Variants in SOX6 observed in about 807,000 individuals in gnomAD.
SOX6 encodes SRY-box transcription factor 6, also known as transcription factor SOX-6.
In SOX6, 11 loss-of-function variants were observed where a neutral mutation model predicts 97.8. The ratio of observed to expected loss-of-function variants is 0.11; its 90% CI spans 0.07 to 0.19. The LOEUF is 0.19. Ranked by LOEUF, SOX6 falls within the 10% of genes least tolerant of loss-of-function variation. The pLI, the probability that SOX6 is intolerant of heterozygous loss-of-function variation, is 1.00. For missense variants in SOX6, 810 were observed against 1,039.5 expected, an observed-to-expected ratio of 0.78 and a Z score of 3.04; for synonymous variants, 360 against 371.4, an observed-to-expected ratio of 0.97 and a Z score of 0.35.
intron 6 of SOX6, among the ~76,000 whole-genome samples, chr11:16,115,324 G>T (rs1849320503): frequency 1.3e-5 from 2 of 152,236 alleles, no homozygotes; most frequent in South Asian, 4.1e-4. Context: ...TACTGAATCA[G>T]AAAACTCTGG....
At chr11:16,344,778 CTATTA>C (rs1420824363) in intron 1 of SOX6, among the ~76,000 whole-genome samples, 2 of 151,606 alleles carry the variant, frequency 1.3e-5, no homozygotes, top group Non-Finnish European at 2.9e-5. Context: ...TATTTTTGCA[CTATTA>C]TAACTTAAAA....
In SOX6 at chr11:15,986,073, T is replaced by C. The variant is rs1007373710; in HGVS notation, c.2183+131A>G. ...CCCTATGACACAGCAAAGATTCTCA[T>C]GGCCAAGCCCCTTCAGTATGCCACA... is the stretch of plus-strand genomic sequence containing the variant. On this transcript the variant is annotated intron_variant, in intron 15 of 15. Coordinates refer to ENST00000683767, the MANE Select transcript of SOX6 (RefSeq NM_001367873.1). The C allele has an allele frequency of 6.7e-6, 6 of 899,594 alleles. No homozygotes were observed. The Admixed American group carries it at 1.1e-4, about 16-fold the overall frequency. 55.7% of individuals were successfully genotyped at this position (899,594 alleles called of 1,614,324 possible).
chr11:16,447,313 A>C (rs1275493485), intron 1 of SOX6, among the ~76,000 whole-genome samples: 2 of 152,202 alleles, frequency 1.3e-5, no homozygotes, highest in African/African-American at 4.8e-5. Flanking sequence ...TCTATCATTT[A>C]CTGTGCTATC....
Position 16,298,140 on chromosome 11 carries a change from C to T in SOX6, c.445+20306G>A, listed in dbSNP as rs1855153027. 2.6e-5 allele frequency among the ~76,000 whole-genome samples: 4 copies of T among 152,032 alleles called. 1 individual carries two copies. The highest frequency in any genetic ancestry group is 2.6e-4 in the Admixed American group (4 of 15,252). On this transcript the variant is annotated intron_variant, in intron 3 of 15. Transcript: ENST00000683767. ...TAATATACGTTCTTCTGACTGGGAC[C>T]CTCATTTTAAAATTTTATTCCATTT... is the stretch of plus-strand genomic sequence containing the variant.
chr11:16,266,321 T>C (rs1854082312), intron 3 of SOX6, among the ~76,000 whole-genome samples: 1 of 151,580 alleles, frequency 6.6e-6, no homozygotes, highest in African/African-American at 2.4e-5. Flanking sequence ...GAATTCTATA[T>C]CCAGCAAAAA....
At chr11:16,720,956 T>A (rs1359020284) in intron 2 of SOX6, among the ~76,000 whole-genome samples, 1 of 152,126 alleles carries the variant, frequency 6.6e-6, no homozygotes, top group Non-Finnish European at 1.5e-5. Flanking sequence ...ATCTTCCCAG[T>A]GAACCACAAA....
chr11:16,290,526 T>C (rs1178427504), intron 3 of SOX6, among the ~76,000 whole-genome samples: 1 of 152,064 alleles, frequency 6.6e-6, no homozygotes, highest in Non-Finnish European at 1.5e-5. Context: ...ATGAATATTA[T>C]AATCACAGAA....
intron 4 of SOX6, among the ~76,000 whole-genome samples, chr11:16,213,929 C>T (rs1377471643): frequency 6.6e-6 from 1 of 152,116 alleles, no homozygotes; most frequent in African/African-American, 2.4e-5. Context: ...GTTATATATA[C>T]CTGTAGATTC....
chr11:16,154,597 T>G (rs1360275511), intron 6 of SOX6, among the ~76,000 whole-genome samples: 3 of 152,124 alleles, frequency 2.0e-5, no homozygotes, highest in African/African-American at 7.2e-5. Flanking sequence ...TTAAGTACAG[T>G]GGTCTTCTGA....
rs769905349 is a variant in SOX6 at position 16,368,712 on chromosome 11, CA to C, written c.-4-27461del. Among the ~76,000 whole-genome samples the C allele has an allele frequency of 4.6e-5, 7 of 151,094 alleles. No individual in the cohort carries two copies. In the South Asian group the frequency reaches 6.3e-4, roughly 14 times the overall value. On this transcript the variant is annotated intron_variant, in intron 1 of 15. Coordinates refer to the SOX6 transcript ENST00000396356. ...GATTTCTTAAATATGACACAAGCAA[CA>C]AAAAAAATCAGATAATTGGATTTCA...
At chr11:16,257,199 A>G (rs1040000213) in intron 3 of SOX6, among the ~76,000 whole-genome samples, 1 of 151,920 alleles carries the variant, frequency 6.6e-6, no homozygotes, top group African/African-American at 2.4e-5. Flanking sequence ...TGAGGATATC[A>G]ACAAACTGAT....
At chr11:16,723,382 G>C (rs1484629940) in intron 2 of SOX6, among the ~76,000 whole-genome samples, 6 of 151,970 alleles carry the variant, frequency 3.9e-5, no homozygotes, top group African/African-American at 1.5e-4. Context: ...TTGGATACTG[G>C]GTTTAATACC....
intron 4 of SOX6, among the ~76,000 whole-genome samples, chr11:16,567,733 A>ATC (rs1847890527): frequency 1.5e-5 from 2 of 129,634 alleles, no homozygotes; most frequent in East Asian, 4.4e-4. Context: ...CGCCTGGCTG[A>ATC]TTTTTTTTTT....
At chr11:16,103,616 C>A (rs998243659) in intron 7 of SOX6, among the ~76,000 whole-genome samples, 1 of 151,804 alleles carries the variant, frequency 6.6e-6, no homozygotes, top group African/African-American at 2.4e-5. Context: ...ATGGAAACAG[C>A]CCAAATGCTC....
intron 9 of SOX6, among the ~76,000 whole-genome samples, chr11:16,064,523 T>TATATATATATATGAAGCC (rs879622352): frequency 3.7e-5 from 5 of 136,560 alleles, no homozygotes; most frequent in South Asian, 4.2e-4. Context: ...GCCATACATA[T>TATATATATATATGAAGCC]ATATATATAT....
In SOX6 at chr11:16,349,693, GA is replaced by G. The variant is rs1228183160; in HGVS notation, c.-5+6400del. ...GGGAGGGAGGAAGGAAGGAAGGAAGGAAGGAAGGAAGGAAGGAAGGAAGAAG... is the reference window on the plus strand; with the variant it reads ...GGGAGGGAGGAAGGAAGGAAGGAAGGAGGAAGGAAGGAAGGAAGGAAGAAG... On this transcript the variant is annotated intron_variant, in intron 1 of 15. Transcript: ENST00000683767. 1.6e-3 allele frequency among the ~76,000 whole-genome samples: 79 copies of G among 50,216 alleles called. 1 individual carries two copies. The highest frequency in any genetic ancestry group is 4.2e-3 in the African/African-American group (71 of 16,980). 32.9% of individuals were successfully genotyped at this position (50,216 alleles called of 152,430 possible).
At chr11:16,153,323 A>C (rs1208748912) in intron 6 of SOX6, among the ~76,000 whole-genome samples, 1 of 152,098 alleles carries the variant, frequency 6.6e-6, no homozygotes, top group African/African-American at 2.4e-5. Flanking sequence ...TTACTTTTTT[A>C]AGGAAAAAAA....
At chr11:16,412,640 CAA>C (rs941854314) in intron 1 of SOX6, among the ~76,000 whole-genome samples, 1 of 152,062 alleles carries the variant, frequency 6.6e-6, no homozygotes, top group African/African-American at 2.4e-5. Context: ...AACAGGCAAA[CAA>C]AAAATAATTT....
intron 2 of SOX6, among the ~76,000 whole-genome samples, chr11:16,319,192 C>T (rs1316305484): frequency 6.6e-6 from 1 of 152,076 alleles, no homozygotes; most frequent in East Asian, 1.9e-4. Context: ...AAATCAGTGC[C>T]AGAAAGTTAG....
Sources: gnomAD v4.1 joint callset for allele counts (sites outside exome capture counted in the v4.1 genomes callset) on GRCh38, gnomAD v4.1.1 for gene constraint, MANE v1.5 for transcripts, NCBI Gene and HGNC (gene_info 2026-07-23, HGNC 2026-07-21) for gene names.